Variants in CD244 observed in about 807,000 individuals in gnomAD.
The protein encoded by CD244 is natural killer cell receptor 2B4.
A neutral mutation model predicts 45.5 loss-of-function variants in CD244; 20 were observed. The ratio of observed to expected loss-of-function variants is 0.44; its 90% CI spans 0.31 to 0.64. The LOEUF is 0.64. Among genes scored for constraint, CD244 ranks in the 30% least tolerant of loss-of-function variants. CD244 has a pLI of 0.08. For missense variants in CD244, 407 were observed against 426.9 expected (o/e 0.95, Z 0.41); for synonymous variants, 185 against 160.5 (o/e 1.15, Z -1.15).
At chr1:160,860,394 G>A (rs1247281428) in intron 1 of CD244, among the ~76,000 whole-genome samples, 1 of 151,354 alleles carries the variant, frequency 6.6e-6, no homozygotes, top group Non-Finnish European at 1.5e-5. Flanking sequence ...CTGAACATGA[G>A]AAACATAACA....
chr1:160,848,025 T>A, intron 1 of CD244: 2 of 301,036 alleles, frequency 6.6e-6, no homozygotes, highest in Non-Finnish European at 1.3e-5. Flanking sequence ...AACCCCACCA[T>A]GTTCATTAAT....
chr1:160,834,188 G>T, intron 6 of CD244, 72 bp from the exon 7 acceptor site: 1 of 1,144,636 alleles, frequency 8.7e-7, no homozygotes, highest in Non-Finnish European at 1.3e-6. Flanking sequence ...TATCTCTTCC[G>T]TTTCTCCTCC....
chr1:160,862,422 A>C lies in CD244; in HGVS notation c.61+195T>G, dbSNP rs11265500. On this transcript the variant is annotated intron_variant, in intron 1 of 8. Coordinates refer to ENST00000368034, the MANE Select transcript of CD244 (RefSeq NM_016382.4). The stretch of plus-strand genomic sequence containing the variant: ...TGGATTGCTGGTGGCAGGGCCAGAT[A>C]CCCCTCTCACAGACCTCCCAGTGCA... Among the ~76,000 whole-genome samples the C allele has an allele frequency of 2.6e-5, 4 of 152,082 alleles. No individual in the cohort carries two copies. The East Asian group carries it at 7.7e-4, about 29-fold the overall frequency.
chr1:160,853,212 T>C (rs1669980666), intron 1 of CD244, among the ~76,000 whole-genome samples: 1 of 152,208 alleles, frequency 6.6e-6, no homozygotes, highest in Non-Finnish European at 1.5e-5. Flanking sequence ...CTACTTTTCC[T>C]GGCAATAATG....
chr1:160,837,155 A>G (rs1010929159), intron 5 of CD244, among the ~76,000 whole-genome samples: 2 of 152,136 alleles, frequency 1.3e-5, no homozygotes, highest in African/African-American at 4.8e-5. Flanking sequence ...GACAATAGGG[A>G]GAGGCCAGAG....
intron 8 of CD244, among the ~76,000 whole-genome samples, chr1:160,831,637 A>G (rs1165439879): frequency 6.6e-6 from 1 of 152,188 alleles, no homozygotes; most frequent in Non-Finnish European, 1.5e-5. Context: ...TCTCTTAACC[A>G]CATATGCTTT....
intron 5 of CD244, among the ~76,000 whole-genome samples, chr1:160,837,638 T>C (rs1669380332): frequency 6.6e-6 from 1 of 152,168 alleles, no homozygotes; most frequent in South Asian, 2.1e-4. Flanking sequence ...CCCCACCACA[T>C]GTGCTTCCTG....
At chr1:160,833,400 C>T (rs1168344845) in intron 7 of CD244, among the ~76,000 whole-genome samples, 2 of 152,200 alleles carry the variant, frequency 1.3e-5, no homozygotes, top group African/African-American at 4.8e-5. Flanking sequence ...TCTGGCTTCA[C>T]ACTGTGGCTC....
intron 7 of CD244, among the ~76,000 whole-genome samples, chr1:160,832,882 A>ATT (rs1669180272): frequency 1.3e-5 from 2 of 149,578 alleles, no homozygotes; most frequent in Non-Finnish European, 3.0e-5. Context: ...ATATATATAT[A>ATT]TATATACACA....
chr1:160,832,997 G>A (rs968107753), intron 7 of CD244, among the ~76,000 whole-genome samples: 1 of 150,790 alleles, frequency 6.6e-6, no homozygotes, highest in Non-Finnish European at 1.5e-5. Flanking sequence ...ATATCCCTCA[G>A]GCAATCCTAA....
chr1:160,835,089 AT>A lies in CD244; in HGVS notation c.895-974del, dbSNP rs565977999. ...GCCACCAAACTGAAGATGGTGCTCA[AT>A]TTTTTTTTTCTTTTTTTTAAAGCCA... On this transcript the variant is annotated intron_variant, in intron 6 of 8. Transcript: ENST00000368034. Among the ~76,000 whole-genome samples the A allele has an allele frequency of 9.4e-4, 141 of 150,054 alleles. 1 individual carries two copies. In the South Asian group the frequency reaches 1.0e-2, roughly 11 times the overall value.
chr1:160,833,900 C>A, intron 7 of CD244, 151 bp downstream of exon 7: 1 of 602,358 alleles, frequency 1.7e-6, no homozygotes, highest in South Asian at 2.0e-5. Context: ...GGCCCATTGA[C>A]ATTTAAATAC....
intron 1 of CD244, chr1:160,848,206 C>T: frequency 1.9e-6 from 1 of 536,186 alleles, no homozygotes; most frequent in Non-Finnish European, 3.7e-6. Context: ...AGGATGTTGA[C>T]ATCACACACC....
intron 8 of CD244, 33 bp from the exon 9 acceptor site, chr1:160,831,460 G>C (rs762827769): frequency 7.0e-7 from 1 of 1,427,824 alleles, no homozygotes; most frequent in Non-Finnish European, 9.9e-7. Context: ...TCAGACCCTT[G>C]CACTGGGAGG....
rs909313215 is a variant in CD244 at position 160,838,322 on chromosome 1, G to A, written c.834+129C>T. ...AAGCAGGTGGAGAAAAGATAGATGG[G>A]GAAGGGCTGAGGGTCACATCAAAAG... On this transcript the variant is annotated intron_variant, in intron 5 of 8. Coordinates refer to ENST00000368034, the MANE Select transcript of CD244 (RefSeq NM_016382.4). 32 of 748,112 alleles carry A rather than the reference G, an allele frequency of 4.3e-5. No homozygotes were observed. In the African/African-American group the frequency reaches 4.7e-4, roughly 11 times the overall value. 46.3% of individuals were successfully genotyped at this position (748,112 alleles called of 1,614,324 possible). A position where few individuals can be genotyped will look rare whatever the true frequency, so the allele number is the denominator to read the frequency against.
At chr1:160,853,053 C>A (rs1220537481) in intron 1 of CD244, among the ~76,000 whole-genome samples, 1 of 151,952 alleles carries the variant, frequency 6.6e-6, no homozygotes, top group Non-Finnish European at 1.5e-5. Context: ...TGTTTATATC[C>A]ACTAAAAATA....
intron 5 of CD244, 83 bp downstream of exon 5, chr1:160,838,368 T>A (rs1669404745): frequency 5.0e-6 from 5 of 1,007,724 alleles, no homozygotes; most frequent in Middle Eastern, 2.0e-4. Context: ...CAGTCCTTTT[T>A]GTCCCTCTGC....
chr1:160,840,228 C>A (rs1000133732), intron 3 of CD244, among the ~76,000 whole-genome samples: 2 of 151,520 alleles, frequency 1.3e-5, no homozygotes, highest in African/African-American at 4.9e-5. Flanking sequence ...CTCAGCCTCC[C>A]AAAGTGCTAG....
chr1:160,833,945 T>C (rs12061252), intron 7 of CD244, 106 bp downstream of exon 7: 12,659 of 792,280 alleles, frequency 0.016, 418 homozygotes, highest in African/African-American at 0.085. Flanking sequence ...ATACACACAA[T>C]AAAGAACAAC....
Sources: gnomAD v4.1 joint callset for allele counts (sites outside exome capture counted in the v4.1 genomes callset) on GRCh38, gnomAD v4.1.1 for gene constraint, MANE v1.5 for transcripts, NCBI Gene and HGNC (gene_info 2026-07-23, HGNC 2026-07-21) for gene names.